NPAS3: variants seen among roughly 807,000 people sequenced by gnomAD.
NPAS3 encodes the protein neuronal PAS domain protein 3.
NPAS3 carries 14 observed loss-of-function variants against 73.1 expected under a neutral mutation model. That is an observed-to-expected ratio of 0.19 (90% CI 0.13 to 0.30). The LOEUF (loss-of-function observed/expected upper bound fraction) is 0.30, where lower values mean the gene tolerates loss of function less well. Ranked by LOEUF, NPAS3 falls within the 10% of genes least tolerant of loss-of-function variation. NPAS3 has a pLI of 1.00. For synonymous variants in NPAS3, 620 were observed against 541.5 expected (o/e 1.14, Z -2.01); for missense variants, 1,096 against 1,250.0 (o/e 0.88, Z 1.86).
intron 1 of NPAS3, 81 bp from the exon 2 acceptor site, chr14:33,055,824 T>A: frequency 1.4e-6 from 1 of 725,392 alleles, no homozygotes. Flanking sequence ...TATATTGAAT[T>A]TCAACATACT....
chr14:33,095,493 A>G (rs2042376050), intron 2 of NPAS3, among the ~76,000 whole-genome samples: 1 of 152,252 alleles, frequency 6.6e-6, no homozygotes, highest in Non-Finnish European at 1.5e-5. Context: ...CAGAGAAAAC[A>G]GAGATCTGAA....
intron 5 of NPAS3, among the ~76,000 whole-genome samples, chr14:33,653,298 T>C (rs1407633539): frequency 2.0e-5 from 3 of 152,228 alleles, no homozygotes; most frequent in East Asian, 1.9e-4. Flanking sequence ...CTTTATCCTG[T>C]GTATATCACA....
At chr14:33,537,982 C>G (rs969921999) in intron 4 of NPAS3, among the ~76,000 whole-genome samples, 2 of 152,202 alleles carry the variant, frequency 1.3e-5, no homozygotes, top group Non-Finnish European at 2.9e-5. Context: ...ATCAACAGAG[C>G]TTTAGTCTTC....
chr14:33,302,519 C>T (rs191611196), intron 3 of NPAS3, among the ~76,000 whole-genome samples: 273 of 152,178 alleles, frequency 1.8e-3, no homozygotes, highest in Middle Eastern at 3.4e-3. Context: ...TGTGAAAAGT[C>T]GTTGATGAAA....
At chr14:33,431,013 A>G (rs1310566644) in intron 4 of NPAS3, among the ~76,000 whole-genome samples, 2 of 152,188 alleles carry the variant, frequency 1.3e-5, no homozygotes, top group African/African-American at 4.8e-5. Flanking sequence ...CTCCTTTTAC[A>G]AATACAAAGG....
chr14:33,322,812 T>C (rs889641705), intron 3 of NPAS3, among the ~76,000 whole-genome samples: 10 of 152,152 alleles, frequency 6.6e-5, no homozygotes, highest in African/African-American at 2.4e-4. Context: ...AGAGGTGTTT[T>C]GGTGTAGGAC....
At chr14:33,291,183 A>G (rs1004053670) in intron 3 of NPAS3, among the ~76,000 whole-genome samples, 2 of 152,168 alleles carry the variant, frequency 1.3e-5, no homozygotes, top group Non-Finnish European at 2.9e-5. Flanking sequence ...TAGGCAGTCT[A>G]GCTTCCAGTT....
chr14:33,720,224 G>T (rs2061068841), intron 6 of NPAS3, among the ~76,000 whole-genome samples: 6 of 152,152 alleles, frequency 3.9e-5, no homozygotes, highest in Admixed American at 3.9e-4. Context: ...AAAGCAAACA[G>T]CCTGCTCAGG....
chr14:33,042,306 G>A (rs1443641677), intron 1 of NPAS3, among the ~76,000 whole-genome samples: 1 of 152,140 alleles, frequency 6.6e-6, no homozygotes, highest in Admixed American at 6.6e-5. Context: ...AAAGAGAGTG[G>A]TGGTGAAATG....
At chr14:33,710,052 G>T (rs2060773812) in intron 6 of NPAS3, among the ~76,000 whole-genome samples, 1 of 152,156 alleles carries the variant, frequency 6.6e-6, no homozygotes, top group Non-Finnish European at 1.5e-5. Flanking sequence ...AGTCTGTGGA[G>T]ATTGTGATTT....
At chr14:33,560,233 C>T (rs749797972) in intron 5 of NPAS3, 23 bp downstream of exon 5, 2 of 852,420 alleles carry the variant, frequency 2.3e-6, no homozygotes, top group Admixed American at 3.5e-5. Context: ...ATTTTAGATT[C>T]TTGGCAGCGA....
chr14:33,221,915 G>T (rs1238156751), intron 3 of NPAS3, among the ~76,000 whole-genome samples: 1 of 152,030 alleles, frequency 6.6e-6, no homozygotes, highest in Non-Finnish European at 1.5e-5. Flanking sequence ...CAAAAGACAG[G>T]TTATCAAGAA....
intron 6 of NPAS3, among the ~76,000 whole-genome samples, chr14:33,704,519 G>A (rs1002700167): frequency 2.0e-5 from 3 of 152,138 alleles, no homozygotes; most frequent in Non-Finnish European, 4.4e-5. Context: ...CATGCATAAA[G>A]CATGATGCCC....
chr14:33,550,900 C>CA lies in NPAS3; in HGVS notation c.469-9215dup, dbSNP rs767332807. 2.6e-5 allele frequency among the ~76,000 whole-genome samples: 4 copies of CA among 152,112 alleles called. No individual in the cohort carries two copies. In the East Asian group the frequency reaches 7.7e-4, roughly 29 times the overall value. ...GACCCAGAAGAGGTGCAGTTACTCA[C>CA]AAAAAATTTTAAAAACAATTCTAAG... On this transcript the variant is annotated intron_variant, in intron 4 of 11. Transcript: ENST00000356141.
intron 3 of NPAS3, among the ~76,000 whole-genome samples, chr14:33,246,831 T>G (rs1474406268): frequency 1.7e-4 from 5 of 28,714 alleles, no homozygotes; most frequent in Non-Finnish European, 3.1e-4. Context: ...TCATCTCTAT[T>G]AAAAATACAA....
At chr14:33,208,559 A>G (rs951346467) in intron 2 of NPAS3, among the ~76,000 whole-genome samples, 1 of 152,198 alleles carries the variant, frequency 6.6e-6, no homozygotes, top group Non-Finnish European at 1.5e-5. Flanking sequence ...AACTCTAAGT[A>G]TACATCTTGA....
chr14:33,473,365 A>T (rs996273252), intron 4 of NPAS3, among the ~76,000 whole-genome samples: 2 of 152,216 alleles, frequency 1.3e-5, no homozygotes, highest in African/African-American at 2.4e-5. Flanking sequence ...AGTCCTAGTT[A>T]AAAGATGCTG....
At chr14:33,651,509 C>T (rs1254340500) in intron 5 of NPAS3, among the ~76,000 whole-genome samples, 5 of 152,032 alleles carry the variant, frequency 3.3e-5, no homozygotes, top group African/African-American at 4.8e-5. Flanking sequence ...AGCACCATCT[C>T]AACTGATATA....
intron 2 of NPAS3, 99 bp downstream of exon 2, chr14:33,056,093 A>G (rs2040877461): frequency 5.7e-6 from 3 of 522,772 alleles, no homozygotes; most frequent in Non-Finnish European, 1.0e-5. Context: ...CCTTCTTTTT[A>G]TCTAATTTAG....
Sources: gnomAD v4.1 joint callset for allele counts (sites outside exome capture counted in the v4.1 genomes callset) on GRCh38, gnomAD v4.1.1 for gene constraint, MANE v1.5 for transcripts, NCBI Gene and HGNC (gene_info 2026-07-23, HGNC 2026-07-21) for gene names.